Variants in MALRD1 observed in about 807,000 individuals in gnomAD.
MALRD1 encodes MAM and LDL-receptor class A domain-containing protein 1.
A neutral mutation model predicts 242.1 loss-of-function variants in MALRD1; 247 were observed. The observed-to-expected ratio is 1.02, with a 90% CI of 0.92 to 1.13. The LOEUF (loss-of-function observed/expected upper bound fraction) is 1.13, where lower values mean the gene tolerates loss of function less well. Ranked by LOEUF, MALRD1 falls within the 50% of genes most tolerant of loss-of-function variation. The pLI is 0.00. For synonymous variants in MALRD1, 995 were observed against 866.6 expected, an observed-to-expected ratio of 1.15 and a Z score of -2.60; for missense variants, 2,989 against 2,533.1, an observed-to-expected ratio of 1.18 and a Z score of -3.86.
At chr10:19,173,379 T>G (rs937781045) in intron 13 of MALRD1, among the ~76,000 whole-genome samples, 1 of 152,184 alleles carries the variant, frequency 6.6e-6, no homozygotes, top group African/African-American at 2.4e-5. Flanking sequence ...TTTCCTGTCA[T>G]TTGTCATCAA....
At chr10:19,152,869 A>G (rs113564055) in intron 11 of MALRD1, among the ~76,000 whole-genome samples, 5 of 152,306 alleles carry the variant, frequency 3.3e-5, no homozygotes, top group African/African-American at 1.2e-4. Flanking sequence ...GTCTAAGATT[A>G]TAAATATTGC....
chr10:19,576,326 G>A (rs578118975), intron 33 of MALRD1, among the ~76,000 whole-genome samples: 13 of 152,264 alleles, frequency 8.5e-5, no homozygotes, highest in Admixed American at 8.5e-4. Context: ...GTCACATTAA[G>A]TTACTCTATC....
intron 33 of MALRD1, among the ~76,000 whole-genome samples, chr10:19,572,445 C>A (rs1323663935): frequency 6.6e-6 from 1 of 152,080 alleles, no homozygotes; most frequent in Non-Finnish European, 1.5e-5. Context: ...ACAACAACGG[C>A]TTGAAAATAC....
rs181372351 is a variant in MALRD1, at chr10:19,173,017, G to A, written c.1831-2191G>A. On this transcript the variant is annotated intron_variant, in intron 13 of 39. Transcript: ENST00000454679. ...TAATCAGAATCTTAAAAATTATTATGTACATCACATTAAAATATCAAAAAT... is the reference window on the plus strand; with the variant it reads ...TAATCAGAATCTTAAAAATTATTATATACATCACATTAAAATATCAAAAAT... 4.4e-4 allele frequency among the ~76,000 whole-genome samples: 67 copies of A among 151,946 alleles called. 1 individual carries two copies. In the South Asian group the frequency reaches 0.011, roughly 25 times the overall value.
At chr10:19,255,612 T>C (rs1484820505) in intron 18 of MALRD1, among the ~76,000 whole-genome samples, 1 of 152,086 alleles carries the variant, frequency 6.6e-6, no homozygotes, top group African/African-American at 2.4e-5. Flanking sequence ...ATCATACAAA[T>C]GGACAATTTT....
chr10:19,439,284 A>C (rs1367607170), intron 28 of MALRD1, among the ~76,000 whole-genome samples: 1 of 152,124 alleles, frequency 6.6e-6, no homozygotes, highest in Non-Finnish European at 1.5e-5. Context: ...CAGTTCCAGC[A>C]CTTTGGGAAG....
chr10:19,194,246 G>T (rs1219897868), intron 14 of MALRD1, among the ~76,000 whole-genome samples: 1 of 152,026 alleles, frequency 6.6e-6, no homozygotes, highest in African/African-American at 2.4e-5. Flanking sequence ...TAAACATAAA[G>T]AAAATAAACG....
intron 18 of MALRD1, among the ~76,000 whole-genome samples, chr10:19,251,452 G>A (rs1839288808): frequency 6.6e-6 from 1 of 151,946 alleles, no homozygotes; most frequent in Admixed American, 6.6e-5. Context: ...CTCCTATGGT[G>A]TGACTGTCTG....
chr10:19,691,095 G>A (rs1238639839), intron 36 of MALRD1, among the ~76,000 whole-genome samples: 1 of 152,018 alleles, frequency 6.6e-6, no homozygotes, highest in African/African-American at 2.4e-5. Flanking sequence ...TGACAAGTAG[G>A]ATTCACAAGG....
intron 28 of MALRD1, among the ~76,000 whole-genome samples, chr10:19,396,790 G>A (rs1846601859): frequency 6.6e-6 from 1 of 152,098 alleles, no homozygotes; most frequent in South Asian, 2.1e-4. Flanking sequence ...ACATGTTACA[G>A]AGGAGAGGTG....
intron 5 of MALRD1, among the ~76,000 whole-genome samples, chr10:19,118,760 G>C (rs1836962426): frequency 6.6e-6 from 1 of 152,148 alleles, no homozygotes; most frequent in Non-Finnish European, 1.5e-5. Context: ...TAGATGAGAG[G>C]AGGAGTCCAT....
intron 1 of MALRD1, among the ~76,000 whole-genome samples, chr10:19,059,634 C>T (rs112125398): frequency 4.2e-3 from 643 of 152,134 alleles, no homozygotes; most frequent in Non-Finnish European, 6.0e-3. Flanking sequence ...TCAAGTGATC[C>T]GCCCACTGTG....
rs528533300 is a variant in MALRD1, at chr10:19,694,646, A to G, written c.6314+2092A>G. Among the ~76,000 whole-genome samples, 19 of 152,354 alleles carry G rather than the reference A, an allele frequency of 1.2e-4. No homozygotes were observed. The South Asian group carries it at 3.9e-3, about 32-fold the overall frequency. ...GGTGGGACTGTAAACTAGTTCAACC[A>G]TTGTGGAAGACAGTGTGGCAATTCC... On this transcript the variant is annotated intron_variant, in intron 38 of 39. Transcript: ENST00000454679.
intron 33 of MALRD1, among the ~76,000 whole-genome samples, chr10:19,573,421 GCAAGGAAGTGGTCT>G (rs1836657600): frequency 6.6e-6 from 1 of 152,174 alleles, no homozygotes; most frequent in South Asian, 2.1e-4. Context: ...AGAAGAGACA[GCAAGGAAGTGGTCT>G]CATGGAAGCC....
Position 19,567,630 on chromosome 10 carries a change from T to C in MALRD1, c.5607T>C (p.Ala1869=). 6.4e-7 allele frequency: 1 copy of C among 1,550,754 alleles called. No individual in the cohort carries two copies. Among genetic ancestry groups the C allele is most frequent in the Non-Finnish European group, 8.7e-7 (1 of 1,146,962 alleles). The change falls in exon 33 of 40, where the codon GCT becomes GCC. Residue 1869 remains alanine (A), a synonymous_variant. Transcript: ENST00000454679. ...SNSPFKVAFE[A]DLDGNEDIFI... ...GTCCGTTTAAGGTGGCATTTGAAGC[T>C]GATTTGGATGGAAATGAGGACATCT...
At chr10:19,406,695 C>T (rs1051547554) in intron 28 of MALRD1, among the ~76,000 whole-genome samples, 3 of 152,080 alleles carry the variant, frequency 2.0e-5, no homozygotes, top group Non-Finnish European at 2.9e-5. Context: ...GATCTGTTGA[C>T]GTATTCTTTA....
At chr10:19,320,041 CTT>C (rs34481531) in intron 21 of MALRD1, among the ~76,000 whole-genome samples, 27,779 of 72,678 alleles carry the variant, frequency 0.38, 1,861 homozygotes, top group Middle Eastern at 0.45. Context: ...TATAAAACTG[CTT>C]TTTTTTTTTT....
chr10:19,693,645 G>T (rs1329472933), intron 38 of MALRD1, among the ~76,000 whole-genome samples: 3 of 152,066 alleles, frequency 2.0e-5, no homozygotes, highest in African/African-American at 7.2e-5. Flanking sequence ...AAATGGCCAT[G>T]CTGCCCAAGG....
chr10:19,406,445 G>A (rs1847114107), intron 28 of MALRD1, among the ~76,000 whole-genome samples: 1 of 152,004 alleles, frequency 6.6e-6, no homozygotes, highest in Admixed American at 6.6e-5. Context: ...GTTTGGATGG[G>A]TGTTCATTAA....
Sources: allele counts gnomAD v4.1 joint callset (sites outside exome capture counted in the v4.1 genomes callset), GRCh38; gene constraint gnomAD v4.1.1; transcripts MANE v1.5; gene names NCBI Gene and HGNC (gene_info 2026-07-23, HGNC 2026-07-21).